RASGRF1: variants seen among roughly 807,000 people sequenced by gnomAD.
The protein encoded by RASGRF1 is ras-specific guanine nucleotide-releasing factor 1.
RASGRF1 carries 40 observed loss-of-function variants against 138.7 expected under a neutral mutation model. The ratio of observed to expected loss-of-function variants is 0.29; its 90% CI spans 0.22 to 0.38. The LOEUF is 0.38. RASGRF1 is among the 10% of genes least tolerant of loss of function. The pLI is 1.00. For synonymous variants in RASGRF1, 614 were observed against 663.2 expected, an observed-to-expected ratio of 0.93 and a Z score of 1.14; for missense variants, 1,108 against 1,650.4, an observed-to-expected ratio of 0.67 and a Z score of 5.69.
intron 10 of RASGRF1, among the ~76,000 whole-genome samples, chr15:79,022,153 A>G (rs1425639189): frequency 6.6e-6 from 1 of 152,162 alleles, no homozygotes; most frequent in African/African-American, 2.4e-5. Flanking sequence ...TTTAAAACTA[A>G]AAACAGCTGG....
Position 79,032,416 on chromosome 15 carries a change from G to T in RASGRF1, c.959-100C>A. ...CCAGCTACACCCAGAGAGGCCAGGG[G>T]CCAGGTTCAAGTTCCCCACCCCAGA... On this transcript the variant is annotated intron_variant, in intron 6 of 26. Transcript: ENST00000558480. The surrounding 1 kb of genome is among the most constrained non-coding windows in gnomAD (Gnocchi z 4.5). 2 of 1,226,070 alleles carry T rather than the reference G, an allele frequency of 1.6e-6. No individual in the cohort carries two copies. Among genetic ancestry groups the T allele is most frequent in the Non-Finnish European group, 1.1e-6 (1 of 870,240 alleles). 75.9% of individuals were successfully genotyped at this position (1,226,070 alleles called of 1,614,324 possible).
intron 23 of RASGRF1, among the ~76,000 whole-genome samples, chr15:78,984,181 C>T (rs28722773): frequency 0.016 from 2,369 of 152,270 alleles, 27 homozygotes; most frequent in Middle Eastern, 0.024. Context: ...GCCACTGGGT[C>T]CCACACAGCC....
intron 6 of RASGRF1, among the ~76,000 whole-genome samples, chr15:79,034,787 A>T (rs1429881352): frequency 1.3e-5 from 2 of 152,254 alleles, no homozygotes; most frequent in African/African-American, 2.4e-5. Context: ...AAATTGGAAG[A>T]AAACACACCA....
At chr15:79,063,974 C>T (rs2057642771) in intron 2 of RASGRF1, among the ~76,000 whole-genome samples, 1 of 152,110 alleles carries the variant, frequency 6.6e-6, no homozygotes, top group Non-Finnish European at 1.5e-5. Flanking sequence ...GCCTAGAATC[C>T]CTGAGTGTCA....
intron 2 of RASGRF1, among the ~76,000 whole-genome samples, chr15:79,063,981 G>A (rs1045577394): frequency 6.6e-6 from 1 of 152,152 alleles, no homozygotes; most frequent in Non-Finnish European, 1.5e-5. Context: ...ATCCCTGAGT[G>A]TCAAAGTTCA....
chr15:79,056,634 T>C (rs547388583), intron 3 of RASGRF1, among the ~76,000 whole-genome samples: 1 of 152,252 alleles, frequency 6.6e-6, no homozygotes, highest in African/African-American at 2.4e-5. Flanking sequence ...AGGATGGTTG[T>C]GGGGAATGAA....
At chr15:78,992,333 C>T (rs1020509783) in intron 20 of RASGRF1, among the ~76,000 whole-genome samples, 1 of 152,246 alleles carries the variant, frequency 6.6e-6, no homozygotes, top group Non-Finnish European at 1.5e-5. Flanking sequence ...GGGCCTTAGT[C>T]CGTGTCCCTG....
chr15:79,079,728 A>G lies in RASGRF1; in HGVS notation c.276+10495T>C, dbSNP rs376696697. On this transcript the variant is annotated intron_variant, in intron 1 of 26. Coordinates refer to ENST00000558480, the MANE Select transcript of RASGRF1 (RefSeq NM_001145648.3). ...GGGAAGTGAACAGAGTCATTGAAGGAGCATTGTCACTGTATACTTTTTTTG... is the reference window on the plus strand; with the variant it reads ...GGGAAGTGAACAGAGTCATTGAAGGGGCATTGTCACTGTATACTTTTTTTG... Among the ~76,000 whole-genome samples the G allele has an allele frequency of 2.6e-5, 4 of 152,244 alleles. No individual in the cohort carries two copies. In the South Asian group the frequency reaches 8.3e-4, roughly 31 times the overall value.
Position 78,998,849 on chromosome 15 carries a change from G to A in RASGRF1, c.2747-24C>T, listed in dbSNP as rs1375403207. 2.6e-6 allele frequency: 4 copies of A among 1,568,072 alleles called. No individual in the cohort carries two copies. In the South Asian group the frequency reaches 4.4e-5, roughly 17 times the overall value. ...CCCTGGCAGCATGCGTGGCAGAGGG[G>A]AGAGAGGACAGGTGAGGACAAGAAA... On this transcript the variant is annotated intron_variant, in intron 17 of 26. Coordinates refer to ENST00000558480, the MANE Select transcript of RASGRF1 (RefSeq NM_001145648.3).
Position 79,023,999 on chromosome 15 carries a change from GAC to G in RASGRF1, c.1542+1313_1542+1314del, listed in dbSNP as rs564030006. ...CACACAAACACATATCTCACACATA[GAC>G]ACACACAGATACACACATCACACAC... On this transcript the variant is annotated intron_variant, in intron 10 of 26. Transcript: ENST00000558480. Among the ~76,000 whole-genome samples the G allele has an allele frequency of 2.5e-3, 353 of 141,790 alleles. 1 individual carries two copies. The highest frequency in any genetic ancestry group is 9.0e-3 in the African/African-American group (338 of 37,708). 93.0% of individuals were successfully genotyped at this position (141,790 alleles called of 152,430 possible).
intron 5 of RASGRF1, among the ~76,000 whole-genome samples, chr15:79,045,927 A>T (rs2141023446): frequency 6.6e-6 from 1 of 152,336 alleles, no homozygotes; most frequent in Middle Eastern, 3.4e-3. Flanking sequence ...GAACATAATG[A>T]TTTACTTGAA....
At chr15:79,064,691 TTC>T in intron 1 of RASGRF1, 165 bp from the exon 2 acceptor site, 1 of 665,826 alleles carries the variant, frequency 1.5e-6, no homozygotes, top group East Asian at 2.7e-5. Context: ...CAGTTTCCAG[TTC>T]TCGATTAAAA....
rs555621439 is a variant in RASGRF1, at chr15:79,073,041, C to G, written c.277-8515G>C. Among the ~76,000 whole-genome samples the G allele has an allele frequency of 3.9e-5, 6 of 152,298 alleles. No individual in the cohort carries two copies. The highest frequency in any genetic ancestry group is 1.4e-4 in the African/African-American group (6 of 41,554). On this transcript the variant is annotated intron_variant, in intron 1 of 26. Coordinates refer to ENST00000558480, the MANE Select transcript of RASGRF1 (RefSeq NM_001145648.3). The surrounding 1 kb of genome is among the most constrained non-coding windows in gnomAD (Gnocchi z 4.2). ...AGCAGCATTGTTCTGGAGTCAGTCC[C>G]AGGGACATCCTAGAACTCTCCAATG...
intron 3 of RASGRF1, among the ~76,000 whole-genome samples, chr15:79,051,457 G>A (rs1185432660): frequency 6.8e-6 from 1 of 146,278 alleles, no homozygotes; most frequent in Non-Finnish European, 1.5e-5. Flanking sequence ...TAAGGAACAC[G>A]CAAGCGTACA....
chr15:78,963,772 C>G (rs902963624), intron 26 of RASGRF1, among the ~76,000 whole-genome samples: 1 of 152,178 alleles, frequency 6.6e-6, no homozygotes, highest in African/African-American at 2.4e-5. Context: ...ATTAGCAGCT[C>G]GTTCCCAGCA....
At chr15:78,998,871 G>A (rs1425653859) in intron 17 of RASGRF1, 46 bp from the exon 18 acceptor site, 2 of 1,484,242 alleles carry the variant, frequency 1.3e-6, no homozygotes, top group Non-Finnish European at 1.9e-6. Flanking sequence ...GTGAGGACAA[G>A]AAACAGAGCT....
intron 2 of RASGRF1, among the ~76,000 whole-genome samples, chr15:79,059,038 C>T (rs946886473): frequency 1.3e-5 from 2 of 152,236 alleles, no homozygotes; most frequent in Admixed American, 6.5e-5. Flanking sequence ...AATAGGCGTC[C>T]GCCTCATCTG....
At chr15:79,071,523 C>G (rs1418704411) in intron 1 of RASGRF1, among the ~76,000 whole-genome samples, 1 of 146,984 alleles carries the variant, frequency 6.8e-6, no homozygotes, top group Non-Finnish European at 1.5e-5. Flanking sequence ...CCATGCCCGG[C>G]TAATTTTTTT....
intron 14 of RASGRF1, chr15:79,005,176 T>C: frequency 1.0e-6 from 1 of 985,456 alleles, no homozygotes; most frequent in Non-Finnish European, 1.2e-6. Context: ...AGATGTACCC[T>C]GCCCCAGTGA....
Sources: gnomAD v4.1 joint callset for allele counts (sites outside exome capture counted in the v4.1 genomes callset) on GRCh38, gnomAD v4.1.1 for gene constraint, Gnocchi (gnomAD v3.1) non-coding constraint, MANE v1.5 for transcripts, NCBI Gene and HGNC (gene_info 2026-07-23, HGNC 2026-07-21) for gene names.